HSD17B12: variants seen among roughly 807,000 people sequenced by gnomAD.
The protein encoded by HSD17B12 is hydroxysteroid 17-beta dehydrogenase 12, also known as very-long-chain 3-oxoacyl-CoA reductase.
Under a neutral mutation model 39.3 loss-of-function variants are expected in HSD17B12, and 32 were observed. That is an observed-to-expected ratio of 0.81 (90% confidence interval 0.61 to 1.09). HSD17B12 has a LOEUF of 1.09. Among genes scored for constraint, HSD17B12 ranks in the 50% least tolerant of loss-of-function variants. The pLI is 0.00. For missense variants in HSD17B12, 342 were observed against 382.9 expected, an observed-to-expected ratio of 0.89 and a Z score of 0.89; for synonymous variants, 150 against 146.7, an observed-to-expected ratio of 1.02 and a Z score of -0.16.
At chr11:43,771,459 ATTCTT>A (rs1950648403) in intron 3 of HSD17B12, among the ~76,000 whole-genome samples, 1 of 92,870 alleles carries the variant, frequency 1.1e-5, no homozygotes, top group Non-Finnish European at 2.2e-5. Context: ...GTGGACTCAT[ATTCTT>A]TTTTTTTTTT....
At chr11:43,693,225 G>A (rs1425877704) in intron 1 of HSD17B12, among the ~76,000 whole-genome samples, 2 of 152,218 alleles carry the variant, frequency 1.3e-5, no homozygotes, top group Non-Finnish European at 2.9e-5. Flanking sequence ...CGATAGGAGC[G>A]ATGAGCAGCA....
chr11:43,653,551 C>G, the HSD17B12 span, among the ~76,000 whole-genome samples: 1 of 152,070 alleles, frequency 6.6e-6, no homozygotes, highest in Non-Finnish European at 1.5e-5. Context: ...TCCCTTCCCC[C>G]TCCCCCACCT....
At chr11:43,634,623 C>T in the HSD17B12 span, among the ~76,000 whole-genome samples, 2 of 152,138 alleles carry the variant, frequency 1.3e-5, no homozygotes, top group Admixed American at 6.6e-5. Flanking sequence ...GCTCCCCATG[C>T]ACACTGATTA....
intron 9 of HSD17B12, among the ~76,000 whole-genome samples, chr11:43,842,754 AC>A (rs1265295478): frequency 6.6e-6 from 1 of 152,198 alleles, no homozygotes; most frequent in Non-Finnish European, 1.5e-5. Flanking sequence ...TAGTTTGTAA[AC>A]ACCTATTGCG....
chr11:43,789,949 C>G (rs777535699), intron 3 of HSD17B12, among the ~76,000 whole-genome samples: 1 of 152,066 alleles, frequency 6.6e-6, no homozygotes, highest in African/African-American at 2.4e-5. Flanking sequence ...ACTGCCTCCC[C>G]CCCGCAAAAA....
rs182842396 is a variant in HSD17B12, at chr11:43,692,092, C to T, written c.160+11105C>T. 1.5e-4 allele frequency among the ~76,000 whole-genome samples: 23 copies of T among 152,170 alleles called. 1 individual carries two copies. Among genetic ancestry groups the T allele is most frequent in the African/African-American group, 4.6e-4 (19 of 41,524 alleles). ...CTTTTTCACAGTTTACCTTATTAGT[C>T]GTGTGTATGTATATGTGTGCATGTA... On this transcript the variant is annotated intron_variant, in intron 1 of 10. Coordinates refer to ENST00000278353, the MANE Select transcript of HSD17B12 (RefSeq NM_016142.3).
At chr11:43,647,815 G>A in the HSD17B12 span, among the ~76,000 whole-genome samples, 2 of 152,150 alleles carry the variant, frequency 1.3e-5, no homozygotes, top group African/African-American at 4.8e-5. Flanking sequence ...TAAGGTTTCT[G>A]AGAGAAAGAG....
the HSD17B12 span, among the ~76,000 whole-genome samples, chr11:43,557,841 C>T: frequency 2.6e-5 from 4 of 151,894 alleles, no homozygotes; most frequent in South Asian, 8.3e-4. Flanking sequence ...GTTGGCCTTC[C>T]TGCTTTGAGG....
rs776512759 is a variant in HSD17B12 at position 43,854,807 on chromosome 11, A to C, written c.777A>C (p.Ala259=). The C allele has an allele frequency of 1.2e-6, 2 of 1,614,218 alleles. No homozygotes were observed. Residue 259 remains alanine (A), a synonymous_variant, in exon 10 of 11, where the codon GCA becomes GCC. Transcript: ENST00000278353. ...CTCCGGAGACGTTTGTGAAGTCTGC[A>C]ATTAAAACAGTCGGCCTGCAATCCC... ...KPSPETFVKS[A]IKTVGLQSRT...
chr11:43,801,418 GAA>G (rs1950966716), intron 4 of HSD17B12, among the ~76,000 whole-genome samples: 3 of 152,062 alleles, frequency 2.0e-5, no homozygotes, highest in Non-Finnish European at 4.4e-5. Flanking sequence ...GGAAGACAGA[GAA>G]GAGAGAATTT....
chr11:43,714,558 G>T (rs1175618359), intron 1 of HSD17B12, among the ~76,000 whole-genome samples: 2 of 152,194 alleles, frequency 1.3e-5, no homozygotes, highest in African/African-American at 4.8e-5. Flanking sequence ...CAGGTAGCAT[G>T]ATGCCTCCAG....
At chr11:43,691,456 A>G (rs896216765) in intron 1 of HSD17B12, among the ~76,000 whole-genome samples, 20 of 152,224 alleles carry the variant, frequency 1.3e-4, no homozygotes, top group Admixed American at 3.3e-4. Flanking sequence ...TCTAAGTCTT[A>G]GAATCATGCT....
chr11:43,602,966 A>G, the HSD17B12 span, among the ~76,000 whole-genome samples: 3 of 152,060 alleles, frequency 2.0e-5, no homozygotes, highest in South Asian at 6.2e-4. Context: ...TTTCAAAGAC[A>G]AGATTCTCAT....
the HSD17B12 span, among the ~76,000 whole-genome samples, chr11:43,665,587 G>T: frequency 6.6e-6 from 1 of 152,092 alleles, no homozygotes; most frequent in East Asian, 1.9e-4. Context: ...TGTAAATCTA[G>T]TAGGTCCTTC....
At chr11:43,775,593 T>C (rs1565084410) in intron 3 of HSD17B12, among the ~76,000 whole-genome samples, 1 of 151,304 alleles carries the variant, frequency 6.6e-6, no homozygotes, top group Non-Finnish European at 1.5e-5. Context: ...TATTTCTTTT[T>C]TATTTATTTA....
At chr11:43,690,840 T>A (rs938942) in intron 1 of HSD17B12, among the ~76,000 whole-genome samples, 74,390 of 151,736 alleles carry the variant, frequency 0.49, 18,671 homozygotes, top group Non-Finnish European at 0.53. Flanking sequence ...GAAATACTGA[T>A]TAAATGGGGC....
At chr11:43,680,612 A>T (rs990323883), upstream of HSD17B12, 5 of 571,986 alleles carry the variant, frequency 8.7e-6, no homozygotes, top group Non-Finnish European at 1.6e-5. Flanking sequence ...GGGGCAGTGG[A>T]ACTGGAGTCA....
intron 1 of HSD17B12, among the ~76,000 whole-genome samples, chr11:43,689,926 C>T (rs1222074786): frequency 2.0e-5 from 3 of 152,130 alleles, no homozygotes; most frequent in Non-Finnish European, 4.4e-5. Context: ...CTCCGTTCCA[C>T]CCACATACAC....
the HSD17B12 span, among the ~76,000 whole-genome samples, chr11:43,592,501 A>G: frequency 5.3e-5 from 8 of 152,270 alleles, no homozygotes; most frequent in Non-Finnish European, 1.5e-5. Flanking sequence ...TATTTTTTCA[A>G]ATACTTCATT....
Sources: allele counts gnomAD v4.1 joint callset (sites outside exome capture counted in the v4.1 genomes callset), GRCh38; gene constraint gnomAD v4.1.1; transcripts MANE v1.5; gene names NCBI Gene and HGNC (gene_info 2026-07-23, HGNC 2026-07-21).